Variants in MAST2 observed in about 807,000 individuals in gnomAD.
MAST2 encodes the protein microtubule associated serine/threonine kinase 2.
In MAST2, 70 loss-of-function variants were observed where a neutral mutation model predicts 147.4. The ratio of observed to expected loss-of-function variants is 0.47; its 90% CI spans 0.39 to 0.58. The LOEUF (loss-of-function observed/expected upper bound fraction) is 0.58, where lower values mean the gene tolerates loss of function less well. Among genes scored for constraint, MAST2 ranks in the 20% least tolerant of loss-of-function variants. MAST2 has a pLI of 0.00. For missense variants in MAST2, 2,080 were observed against 2,302.3 expected (o/e 0.90, Z 1.98); for synonymous variants, 869 against 896.8 (o/e 0.97, Z 0.55).
At position 46,031,141 on chromosome 1, in the gene MAST2, G is replaced by C. The variant is rs773992841; in HGVS notation, c.2843G>C (p.Ser948Thr). The change falls in exon 23 of 29, where the codon AGC becomes ACC. Residue 948 changes from serine (S) to threonine (T), a missense_variant. Physicochemically the swap from Ser to Thr is moderately conservative, Grantham distance 58 (BLOSUM62 1). Coordinates refer to ENST00000361297, the MANE Select transcript of MAST2 (RefSeq NM_015112.3). The surrounding 1 kb of genome is among the most constrained non-coding windows in gnomAD (Gnocchi z 4.1). The part of the protein sequence containing the change: ...RFPEGPEEAS[S>T]TLRRQPQEGI... ...CCGGAGGGCCCTGAGGAGGCCAGCA[G>C]CACCCTCAGGAGGCAACCACAGGAG... 29 of 1,608,782 alleles carry C rather than the reference G, an allele frequency of 1.8e-5. No homozygotes were observed. Among genetic ancestry groups the C allele is most frequent in the Non-Finnish European group, 2.3e-5 (27 of 1,176,452 alleles).
intron 10 of MAST2, among the ~76,000 whole-genome samples, chr1:46,013,280 C>A (rs1645790976): frequency 6.6e-6 from 1 of 152,100 alleles, no homozygotes; most frequent in Non-Finnish European, 1.5e-5. Flanking sequence ...AGGACCCAAC[C>A]CAGATTTGGC....
intron 7 of MAST2, among the ~76,000 whole-genome samples, chr1:46,003,109 G>A (rs1457123649): frequency 6.6e-6 from 1 of 152,192 alleles, no homozygotes; most frequent in Non-Finnish European, 1.5e-5. Flanking sequence ...CTGGGAATCA[G>A]TTACTTCTAG....
intron 11 of MAST2, among the ~76,000 whole-genome samples, chr1:46,020,290 C>G (rs1362243717): frequency 6.6e-6 from 1 of 152,124 alleles, no homozygotes; most frequent in Non-Finnish European, 1.5e-5. Flanking sequence ...GAGGCTTATT[C>G]AGCAAACTGA....
chr1:45,842,583 T>C (rs951357813), intron 3 of MAST2, among the ~76,000 whole-genome samples: 2 of 152,260 alleles, frequency 1.3e-5, no homozygotes, highest in Admixed American at 1.3e-4. Flanking sequence ...GTTTATTTCA[T>C]TTAGCATAAT....
intron 1 of MAST2, among the ~76,000 whole-genome samples, chr1:45,809,912 G>T (rs1028053557): frequency 6.6e-6 from 1 of 152,180 alleles, no homozygotes; most frequent in African/African-American, 2.4e-5. Flanking sequence ...GTAACATATT[G>T]TTTGATCCAT....
chr1:45,843,593 G>C (rs899475201), intron 3 of MAST2, among the ~76,000 whole-genome samples: 1 of 152,094 alleles, frequency 6.6e-6, no homozygotes, highest in Non-Finnish European at 1.5e-5. Flanking sequence ...CCATGGGAGA[G>C]AGTAAAGAGA....
At chr1:45,972,283 A>G (rs1202665788) in intron 5 of MAST2, among the ~76,000 whole-genome samples, 1 of 152,216 alleles carries the variant, frequency 6.6e-6, no homozygotes, top group Non-Finnish European at 1.5e-5. Context: ...AGTGGCAAAG[A>G]TCCCATTCCA....
chr1:45,971,506 A>G lies in MAST2; in HGVS notation c.592+12029A>G, dbSNP rs1318600879. Among the ~76,000 whole-genome samples the G allele has an allele frequency of 2.6e-5, 4 of 152,218 alleles. 1 individual carries two copies. Among genetic ancestry groups the G allele is most frequent in the South Asian group, 4.1e-4 (2 of 4,834 alleles). On this transcript the variant is annotated intron_variant, in intron 5 of 28. Transcript: ENST00000361297. ...GTGTGATTGGGGCAGAGCAACCCAC[A>G]TATCCACGTTCCCACACCACTGACT... is the stretch of plus-strand genomic sequence containing the variant.
In MAST2 at chr1:45,987,846, C is replaced by T. The variant is rs150779617; in HGVS notation, c.593-9878C>T. Among the ~76,000 whole-genome samples the T allele has an allele frequency of 1.1e-4, 16 of 140,172 alleles. No homozygotes were observed. The East Asian group carries it at 3.0e-3, about 26-fold the overall frequency. The allele number at this position is 140,172 out of a possible 152,430, so 92.0% of individuals were successfully genotyped here. On this transcript the variant is annotated intron_variant, in intron 5 of 28. Coordinates refer to ENST00000361297, the MANE Select transcript of MAST2 (RefSeq NM_015112.3). The stretch of plus-strand genomic sequence containing the variant: ...GAGACCAAGTCTCACTATGTTGCCC[C>T]AACTGATCTTGAACTTTTGGGTTCA...
At chr1:45,987,847 A>G (rs1226197984) in intron 5 of MAST2, among the ~76,000 whole-genome samples, 1 of 121,126 alleles carries the variant, frequency 8.3e-6, no homozygotes, top group African/African-American at 3.2e-5. Flanking sequence ...ATGTTGCCCC[A>G]ACTGATCTTG....
chr1:45,876,923 A>G (rs894913488), intron 3 of MAST2, among the ~76,000 whole-genome samples: 1 of 152,236 alleles, frequency 6.6e-6, no homozygotes, highest in African/African-American at 2.4e-5. Flanking sequence ...CATATTACCC[A>G]TTTAAACTAT....
chr1:45,893,099 T>C (rs1241214866), intron 4 of MAST2, among the ~76,000 whole-genome samples: 1 of 152,192 alleles, frequency 6.6e-6, no homozygotes, highest in African/African-American at 2.4e-5. Context: ...ACTCCAGTCC[T>C]ATACATCTAT....
intron 4 of MAST2, among the ~76,000 whole-genome samples, chr1:45,902,837 G>C (rs141265666): frequency 4.4e-4 from 67 of 152,020 alleles, no homozygotes; most frequent in African/African-American, 1.5e-3. Flanking sequence ...TGCCACTTTT[G>C]TCATTTCTGA....
At position 45,804,089 on chromosome 1, in the gene MAST2, T is replaced by C; in HGVS notation, c.177+17T>C. On this transcript the variant is annotated intron_variant, in intron 1 of 28. Coordinates refer to ENST00000361297, the MANE Select transcript of MAST2 (RefSeq NM_015112.3). Reference sequence around the variant, plus strand: ...AAGGAGCAGGTAGGGCGGGTTGGGATCCGGGAGGGTGAACCTGAATGGAAG... The same window carrying C: ...AAGGAGCAGGTAGGGCGGGTTGGGACCCGGGAGGGTGAACCTGAATGGAAG... The C allele has an allele frequency of 8.1e-7, 1 of 1,239,764 alleles. No homozygotes were observed. The highest frequency in any genetic ancestry group is 4.4e-5 in the Admixed American group (1 of 22,540). The allele number at this position is 1,239,764 out of a possible 1,614,324, so 76.8% of individuals were successfully genotyped here. A position where few individuals can be genotyped will look rare whatever the true frequency, so the allele number is the denominator to read the frequency against.
intron 4 of MAST2, among the ~76,000 whole-genome samples, chr1:45,895,873 A>G (rs999171697): frequency 5.9e-5 from 9 of 152,222 alleles, no homozygotes; most frequent in African/African-American, 2.2e-4. Flanking sequence ...ATCTATTTAA[A>G]TGAGCAATAA....
chr1:45,845,206 TTTGGTAAGGTGTCA>T (rs1440996184), intron 3 of MAST2, among the ~76,000 whole-genome samples: 1 of 152,140 alleles, frequency 6.6e-6, no homozygotes, highest in African/African-American at 2.4e-5. Flanking sequence ...TATGCAAGTT[TTTGGTAAGGTGTCA>T]TATATGTCAA....
intron 5 of MAST2, among the ~76,000 whole-genome samples, chr1:45,990,005 A>G (rs1644798612): frequency 6.6e-6 from 1 of 152,194 alleles, no homozygotes; most frequent in African/African-American, 2.4e-5. Flanking sequence ...GGTTGCTTCC[A>G]GTTTTGGGCG....
chr1:45,919,851 T>C (rs552942368), intron 4 of MAST2, among the ~76,000 whole-genome samples: 1 of 152,258 alleles, frequency 6.6e-6, no homozygotes, highest in African/African-American at 2.4e-5. Flanking sequence ...TAGTGCTTCA[T>C]TCCATTCTTC....
At chr1:45,886,826 T>G (rs897321011) in intron 4 of MAST2, among the ~76,000 whole-genome samples, 14 of 152,140 alleles carry the variant, frequency 9.2e-5, no homozygotes, top group African/African-American at 3.4e-4. Context: ...TTGCTGTTGT[T>G]GTTATTTTGT....
Sources: allele counts gnomAD v4.1 joint callset (sites outside exome capture counted in the v4.1 genomes callset), GRCh38; gene constraint gnomAD v4.1.1; non-coding constraint Gnocchi (gnomAD v3.1); transcripts MANE v1.5; gene names NCBI Gene and HGNC (gene_info 2026-07-23, HGNC 2026-07-21).